The following MSH6 variants were observed in gnomAD, a reference collection of about 807,000 sequenced individuals.
The protein encoded by MSH6 is mutS homolog 6.
Under a neutral mutation model 119.1 loss-of-function variants are expected in MSH6, and 85 were observed. The observed-to-expected ratio is 0.71, with a 90% CI of 0.60 to 0.85. The LOEUF is 0.85. Among genes scored for constraint, MSH6 ranks in the 40% least tolerant of loss-of-function variants. The pLI, the probability that MSH6 is intolerant of heterozygous loss-of-function variation, is 0.00. For missense variants in MSH6, 2,163 were observed against 1,655.3 expected (o/e 1.31, Z -5.32); for synonymous variants, 830 against 586.9 (o/e 1.41, Z -5.99).
At chr2:47,804,157 C>G in intron 5 of MSH6, among the ~76,000 whole-genome samples, 1 of 151,854 alleles carries the variant, frequency 6.6e-6, no homozygotes. Context: ...GTTGCCAAGG[C>G]TGAAGTGCAG....
chr2:47,807,889 C>G, downstream of MSH6: 1 of 429,798 alleles, frequency 2.3e-6, no homozygotes, highest in East Asian at 3.7e-5. Flanking sequence ...ACTTCTGTCC[C>G]TTCAAGTCTT....
chr2:47,806,620 G>A lies in MSH6; in HGVS notation c.3970G>A (p.Glu1324Lys), dbSNP rs540890590. The A allele has an allele frequency of 1.2e-6, 2 of 1,612,338 alleles. No homozygotes were observed. Among genetic ancestry groups the A allele is most frequent in the Non-Finnish European group, 1.7e-6 (2 of 1,179,844 alleles). Residue 1324 changes from glutamate (E) to lysine (K), a missense_variant, in exon 9 of 10, where the codon GAG (glutamate) becomes AAG (lysine). Coordinates refer to ENST00000234420, the MANE Select transcript of MSH6 (RefSeq NM_000179.3). ...QKGHRKAREF[E>K]KMNQSLRLFR... Reference sequence around the variant, plus strand: ...GGGACATAGAAAAGCAAGAGAATTTGAGAAGATGAATCAGTCACTACGATT... The same window carrying A: ...GGGACATAGAAAAGCAAGAGAATTTAAGAAGATGAATCAGTCACTACGATT...
In MSH6 at chr2:47,800,793, A is replaced by G. The variant is rs1572728780; in HGVS notation, c.2810A>G (p.Tyr937Cys). 2 of 1,614,166 alleles carry G rather than the reference A, an allele frequency of 1.2e-6. No individual in the cohort carries two copies. Among genetic ancestry groups the G allele is most frequent in the Non-Finnish European group, 1.7e-6 (2 of 1,180,020 alleles). ...CCCAAAGCAGGCTTTGACTCTGATT[A>G]TGACCAAGCTCTTGCTGACATAAGA... The part of the protein sequence containing the change: ...ITPKAGFDSD[Y>C]DQALADIREN... The change falls in exon 4 of 10, where the codon TAT (tyrosine) becomes TGT (cysteine). Residue 937 changes from tyrosine to cysteine, a missense_variant. By Grantham distance (194) the Tyr-to-Cys change is radical (BLOSUM62 -2). Coordinates refer to ENST00000234420, the MANE Select transcript of MSH6 (RefSeq NM_000179.3).
intron 1 of MSH6, chr2:47,784,260 C>A: frequency 4.0e-6 from 4 of 993,656 alleles, no homozygotes; most frequent in Non-Finnish European, 4.8e-6. Flanking sequence ...GCACGTGCAC[C>A]GAGACGAAGA....
intron 4 of MSH6, chr2:47,801,374 T>TTTG: frequency 2.1e-6 from 1 of 478,768 alleles, no homozygotes; most frequent in Non-Finnish European, 3.6e-6. Flanking sequence ...TTTTTTTTTT[T>TTTG]TTTTTTTTTT....
In MSH6 at chr2:47,798,595, T is replaced by C. The variant is rs368831443; in HGVS notation, c.628-16T>C. On this transcript the variant is annotated splice_polypyrimidine_tract_variant and intron_variant, in intron 3 of 9. Transcript: ENST00000234420. ...AATTTTGATTTGTTTTTAAATACTC[T>C]TTCCTTGCCTGGCAGGTAGGCACAA... The C allele has an allele frequency of 2.5e-6, 4 of 1,606,532 alleles. No homozygotes were observed. The African/African-American group carries it at 4.0e-5, about 16-fold the overall frequency.
At position 47,790,915 on chromosome 2, in the gene MSH6, T is replaced by A. The variant is rs753465092; in HGVS notation, c.261-12T>A. The A allele has an allele frequency of 1.2e-6, 2 of 1,613,974 alleles. No homozygotes were observed. Among genetic ancestry groups the A allele is most frequent in the Non-Finnish European group, 8.5e-7 (1 of 1,179,798 alleles). ...AATATTAACTAAGTTATGTATTTCC[T>A]TTTGGCAACAGTTGTGACTTCTCAC... is the stretch of plus-strand genomic sequence containing the variant. On this transcript the variant is annotated splice_polypyrimidine_tract_variant and intron_variant, in intron 1 of 9. Transcript: ENST00000234420.
At chr2:47,783,677 G>C (rs1302807238) in intron 1 of MSH6, 184 bp downstream of exon 1, 2 of 586,146 alleles carry the variant, frequency 3.4e-6, no homozygotes, top group Non-Finnish European at 5.4e-6. Context: ...TGGGGGTGTA[G>C]CTTGTAAACA....
intron 1 of MSH6, among the ~76,000 whole-genome samples, chr2:47,789,756 C>T (rs1427331071): frequency 1.3e-5 from 2 of 152,160 alleles, no homozygotes; most frequent in Non-Finnish European, 2.9e-5. Flanking sequence ...CTCTAGATTA[C>T]GTACAATACC....
intron 1 of MSH6, among the ~76,000 whole-genome samples, chr2:47,787,736 C>T (rs181828380): frequency 2.0e-5 from 3 of 152,282 alleles, no homozygotes; most frequent in Admixed American, 2.0e-4. Context: ...CCCACCTCAG[C>T]TTTCTGAGTA....
intron 2 of MSH6, among the ~76,000 whole-genome samples, chr2:47,793,359 G>GTGGC (rs1668870248): frequency 6.8e-6 from 1 of 147,688 alleles, no homozygotes; most frequent in Non-Finnish European, 1.5e-5. Flanking sequence ...GCTGGGCACG[G>GTGGC]TGGCTCGCGC....
chr2:47,800,397 T>A lies in MSH6; in HGVS notation c.2414T>A (p.Ile805Asn), dbSNP rs1572727090. 6.2e-7 allele frequency: 1 copy of A among 1,613,986 alleles called. No individual in the cohort carries two copies. Among genetic ancestry groups the A allele is most frequent in the Non-Finnish European group, 8.5e-7 (1 of 1,180,010 alleles). Residue 805 changes from isoleucine to asparagine, a missense_variant, in exon 4 of 10, where the codon ATC becomes AAC. Coordinates refer to ENST00000234420, the MANE Select transcript of MSH6 (RefSeq NM_000179.3). ...GACCTCATGGTTGTGCCTGACAAAA[T>A]CTCCGAAGTTGTAGAGCTTCTAAAG... ...IEDLMVVPDK[I>N]SEVVELLKKL...
rs560840685 is a variant in MSH6 at position 47,797,109 on chromosome 2, TTTG to T, written c.627+1058_627+1060del. ...TAAACTTTCTTAAAACATTTTGTGA[TTTG>T]TTGTTGTTGTTTAGCTCATCAGCTA... On this transcript the variant is annotated intron_variant, in intron 3 of 9. Transcript: ENST00000234420. Among the ~76,000 whole-genome samples, 693 of 152,310 alleles carry T rather than the reference TTTG, an allele frequency of 4.5e-3. 6 individuals carry two copies. The highest frequency in any genetic ancestry group is 0.016 in the African/African-American group (649 of 41,568).
downstream of MSH6, chr2:47,806,969 C>A (rs768061728): frequency 2.8e-5 from 25 of 878,548 alleles, no homozygotes; most frequent in East Asian, 4.7e-4. Context: ...TTTCCATTTT[C>A]TTTCTAGGAA....
chr2:47,795,461 C>CTT (rs1669022876), intron 2 of MSH6, among the ~76,000 whole-genome samples: 1 of 116,072 alleles, frequency 8.6e-6, no homozygotes, highest in Non-Finnish European at 2.0e-5. Flanking sequence ...TACATATATA[C>CTT]ATTTTTTTTT....
intron 2 of MSH6, among the ~76,000 whole-genome samples, chr2:47,793,425 C>T (rs909624192): frequency 7.4e-5 from 11 of 148,468 alleles, no homozygotes; most frequent in South Asian, 2.1e-4. Context: ...GTCAGGCGTT[C>T]GAGACCAGCC....
chr2:47,786,241 A>T (rs1231509987), intron 1 of MSH6, among the ~76,000 whole-genome samples: 1 of 152,208 alleles, frequency 6.6e-6, no homozygotes, highest in Non-Finnish European at 1.5e-5. Flanking sequence ...GCATTGGAGA[A>T]GTTAAGCAGA....
chr2:47,798,993 T>C lies in MSH6; in HGVS notation c.1010T>C (p.Leu337Ser), dbSNP rs1572721244. 2 of 1,614,234 alleles carry C rather than the reference T, an allele frequency of 1.2e-6. No homozygotes were observed. Among genetic ancestry groups the C allele is most frequent in the South Asian group, 1.1e-5 (1 of 91,088 alleles). The change falls in exon 4 of 10, where the codon TTG (leucine) becomes TCG (serine). Residue 337 changes from leucine to serine, a missense_variant. By Grantham distance (145) the Leu-to-Ser change is moderately radical. Transcript: ENST00000234420. ...ATTTCATCAGAAACCAAGAATACTT[T>C]GAGAGCTTTCTCTGCCCCTCAAAAT... ...TSISSETKNT[L>S]RAFSAPQNSE...
rs533354972 is a variant in MSH6 at position 47,797,868 on chromosome 2, A to T, written c.628-743A>T. 8.1e-5 allele frequency: 19 copies of T among 235,786 alleles called. No homozygotes were observed. The South Asian group carries it at 1.0e-3, about 12-fold the overall frequency. The allele number at this position is 235,786 out of a possible 1,614,324, so 14.6% of individuals were successfully genotyped here. Reference sequence around the variant, plus strand: ...CCTCCTCCCAGTTCAAAATGCTTGCATCTCTTAATAGCTAGCATTCCCTTG... The same window carrying T: ...CCTCCTCCCAGTTCAAAATGCTTGCTTCTCTTAATAGCTAGCATTCCCTTG... On this transcript the variant is annotated intron_variant, in intron 3 of 9. Transcript: ENST00000234420.
Sources: gnomAD v4.1 joint callset for allele counts (sites outside exome capture counted in the v4.1 genomes callset) on GRCh38, gnomAD v4.1.1 for gene constraint, MANE v1.5 for transcripts, NCBI Gene and HGNC (gene_info 2026-07-23, HGNC 2026-07-21) for gene names.